The following EPB41L4A variants were observed in gnomAD, a reference collection of about 807,000 sequenced individuals.
EPB41L4A encodes erythrocyte membrane protein band 4.1 like 4A.
A neutral mutation model predicts 108.6 loss-of-function variants in EPB41L4A; 100 were observed. That is an observed-to-expected ratio of 0.92 (90% CI 0.78 to 1.09). The LOEUF (loss-of-function observed/expected upper bound fraction) is 1.09, where lower values mean the gene tolerates loss of function less well. EPB41L4A is among the 50% of genes least tolerant of loss of function. The pLI, the probability that EPB41L4A is intolerant of heterozygous loss-of-function variation, is 0.00. For synonymous variants in EPB41L4A, 319 were observed against 289.0 expected, an observed-to-expected ratio of 1.10 and a Z score of -1.05; for missense variants, 1,030 against 842.7, an observed-to-expected ratio of 1.22 and a Z score of -2.75.
intron 1 of EPB41L4A, among the ~76,000 whole-genome samples, chr5:112,373,356 C>T (rs560058091): frequency 4.6e-5 from 7 of 152,324 alleles, no homozygotes; most frequent in African/African-American, 1.7e-4. Context: ...CTCCATGAAC[C>T]AATCTATCTG....
intron 1 of EPB41L4A, among the ~76,000 whole-genome samples, chr5:112,374,099 T>C (rs190130415): frequency 1.3e-5 from 2 of 152,352 alleles, no homozygotes; most frequent in Admixed American, 1.3e-4. Flanking sequence ...TAGTGTGGAA[T>C]GAGTGCTCAG....
At position 112,419,237 on chromosome 5, in the gene EPB41L4A, A is replaced by AGTCAGCGCCCGGGAGC. The variant is rs1762924869; in HGVS notation, c.-214_-199dup. 1 of 438,228 alleles carries AGTCAGCGCCCGGGAGC rather than the reference A, an allele frequency of 2.3e-6. No individual in the cohort carries two copies. The highest frequency in any genetic ancestry group is 2.1e-5 in the African/African-American group (1 of 47,102). The allele number at this position is 438,228 out of a possible 1,614,324, so 27.1% of individuals were successfully genotyped here. ...CGAGAAAGGCGGAAAAGCCCGGGAG[A>AGTCAGCGCCCGGGAGC]GTCAGCGCCCGGGAGCCGCCGGGGA... On this transcript the variant is annotated 5_prime_UTR_variant, in exon 1 of 23. Transcript: ENST00000261486.
At chr5:112,344,153 TA>T (rs201350552) in intron 1 of EPB41L4A, among the ~76,000 whole-genome samples, 254 of 151,764 alleles carry the variant, frequency 1.7e-3, no homozygotes, top group African/African-American at 5.6e-3. Flanking sequence ...TTTTAAAAAA[TA>T]AAAAAAAGGC....
chr5:112,354,723 G>C (rs1369476598), intron 1 of EPB41L4A, among the ~76,000 whole-genome samples: 1 of 152,110 alleles, frequency 6.6e-6, no homozygotes, highest in East Asian at 1.9e-4. Context: ...GGATTCCACA[G>C]TAATAGTCAT....
chr5:112,189,358 A>C (rs2150248684), intron 17 of EPB41L4A, among the ~76,000 whole-genome samples: 1 of 152,328 alleles, frequency 6.6e-6, no homozygotes, highest in Admixed American at 6.5e-5. Context: ...GTCAGGTATT[A>C]TTCCACTTTG....
chr5:112,328,293 G>A (rs950806299), intron 1 of EPB41L4A, among the ~76,000 whole-genome samples: 4 of 151,912 alleles, frequency 2.6e-5, no homozygotes, highest in African/African-American at 7.3e-5. Flanking sequence ...TTGGTGACAC[G>A]GCGAGACTCC....
intron 1 of EPB41L4A, among the ~76,000 whole-genome samples, chr5:112,322,689 T>C (rs1755874379): frequency 6.7e-6 from 1 of 150,020 alleles, no homozygotes; most frequent in Admixed American, 6.7e-5. Context: ...CTTATAGCCA[T>C]CCACTATGAG....
intron 17 of EPB41L4A, among the ~76,000 whole-genome samples, chr5:112,188,830 A>G (rs768431384): frequency 1.3e-5 from 2 of 152,114 alleles, no homozygotes; most frequent in Non-Finnish European, 2.9e-5. Context: ...AACATCCCAA[A>G]TATATTTTTT....
At chr5:112,307,544 G>A in intron 1 of EPB41L4A, 54 bp from the exon 2 acceptor site, 1 of 1,151,832 alleles carries the variant, frequency 8.7e-7, no homozygotes, top group Non-Finnish European at 1.3e-6. Context: ...TTCCTAAGTA[G>A]TACACAGTCA....
At chr5:112,215,186 G>A (rs1393248427) in intron 12 of EPB41L4A, among the ~76,000 whole-genome samples, 6 of 152,198 alleles carry the variant, frequency 3.9e-5, no homozygotes, top group Non-Finnish European at 2.9e-5. Flanking sequence ...ATTAATAGAT[G>A]TGGTGGTACC....
At chr5:112,293,999 CAT>C (rs750836514) in intron 2 of EPB41L4A, among the ~76,000 whole-genome samples, 11 of 152,200 alleles carry the variant, frequency 7.2e-5, no homozygotes, top group East Asian at 1.9e-4. Context: ...TACAGTTACA[CAT>C]GACATTGTTT....
At chr5:112,203,067 T>C (rs1429059831) in intron 15 of EPB41L4A, among the ~76,000 whole-genome samples, 5 of 151,606 alleles carry the variant, frequency 3.3e-5, no homozygotes, top group Admixed American at 6.6e-5. Context: ...TTTTTATTTT[T>C]TTAAAAAAGG....
intron 12 of EPB41L4A, among the ~76,000 whole-genome samples, chr5:112,154,504 G>GT (rs1190974174): frequency 5.3e-5 from 8 of 152,058 alleles, no homozygotes; most frequent in South Asian, 2.1e-4. Flanking sequence ...TAAAGAGATA[G>GT]TTTTTTCTTC....
At chr5:112,352,061 G>A (rs933649713) in intron 1 of EPB41L4A, among the ~76,000 whole-genome samples, 2 of 152,152 alleles carry the variant, frequency 1.3e-5, no homozygotes, top group African/African-American at 2.4e-5. Flanking sequence ...GGGAAAAGCT[G>A]AAAGCTATCT....
At chr5:112,396,803 C>T (rs562746619) in intron 1 of EPB41L4A, among the ~76,000 whole-genome samples, 1 of 152,260 alleles carries the variant, frequency 6.6e-6, no homozygotes, top group Non-Finnish European at 1.5e-5. Context: ...AGCAATGAGT[C>T]CAGCCTATAC....
intron 9 of EPB41L4A, among the ~76,000 whole-genome samples, chr5:112,254,862 A>G (rs1750958460): frequency 6.6e-6 from 1 of 151,570 alleles, no homozygotes; most frequent in Non-Finnish European, 1.5e-5. Flanking sequence ...ATGACCTCTC[A>G]TCAGCAAACC....
intron 17 of EPB41L4A, among the ~76,000 whole-genome samples, chr5:112,188,280 T>C (rs189674836): frequency 8.5e-5 from 13 of 152,308 alleles, no homozygotes; most frequent in Non-Finnish European, 1.3e-4. Flanking sequence ...TGTGTCGACA[T>C]ACTCCCTTAA....
At chr5:112,304,837 G>A (rs1473657272) in intron 2 of EPB41L4A, among the ~76,000 whole-genome samples, 1 of 152,036 alleles carries the variant, frequency 6.6e-6, no homozygotes, top group African/African-American at 2.4e-5. Context: ...GTCAATTTAC[G>A]ATAAGCATAT....
At chr5:112,152,100 C>G (rs146078937) in intron 12 of EPB41L4A, among the ~76,000 whole-genome samples, 2 of 151,646 alleles carry the variant, frequency 1.3e-5, no homozygotes, top group East Asian at 3.9e-4. Flanking sequence ...TATAATTTGG[C>G]TACATATAAC....
Sources: allele counts gnomAD v4.1 joint callset (sites outside exome capture counted in the v4.1 genomes callset), GRCh38; gene constraint gnomAD v4.1.1; transcripts MANE v1.5; gene names NCBI Gene and HGNC (gene_info 2026-07-23, HGNC 2026-07-21).